KIAA0825: variants seen among roughly 807,000 people sequenced by gnomAD.
KIAA0825 encodes KIAA0825, also known as uncharacterized protein KIAA0825.
A neutral mutation model predicts 147.6 loss-of-function variants in KIAA0825; 119 were observed. That is an observed-to-expected ratio of 0.81 (90% CI 0.69 to 0.94). KIAA0825 has a LOEUF of 0.94. Ranked by LOEUF, KIAA0825 falls within the 40% of genes least tolerant of loss-of-function variation. The pLI, the probability that KIAA0825 is intolerant of heterozygous loss-of-function variation, is 0.00. For missense variants in KIAA0825, 1,381 were observed against 1,472.7 expected, an observed-to-expected ratio of 0.94 and a Z score of 1.02; for synonymous variants, 470 against 518.1, an observed-to-expected ratio of 0.91 and a Z score of 1.26.
At chr5:94,324,952 C>A (rs1417852794) in intron 20 of KIAA0825, among the ~76,000 whole-genome samples, 2 of 151,762 alleles carry the variant, frequency 1.3e-5, no homozygotes, top group Non-Finnish European at 2.9e-5. Flanking sequence ...AATTCTGAAC[C>A]CTAACTACAG....
chr5:94,240,754 T>C (rs993047828), intron 20 of KIAA0825, among the ~76,000 whole-genome samples: 2 of 152,218 alleles, frequency 1.3e-5, no homozygotes, highest in Non-Finnish European at 2.9e-5. Context: ...CTGGCTTAAG[T>C]GAGCAAATGA....
intron 15 of KIAA0825, chr5:94,414,497 T>C (rs921160952): frequency 2.0e-5 from 3 of 152,222 alleles, no homozygotes; most frequent in African/African-American, 4.8e-5. Flanking sequence ...GTTGTACTTA[T>C]AGCTTTTGTA....
chr5:94,598,346 C>A (rs928216327), intron 1 of KIAA0825, among the ~76,000 whole-genome samples: 6 of 152,086 alleles, frequency 3.9e-5, no homozygotes, highest in Non-Finnish European at 8.8e-5. Context: ...ATATCACAGA[C>A]TTCCACCTCC....
intron 2 of KIAA0825, among the ~76,000 whole-genome samples, chr5:94,553,650 C>T (rs1775980199): frequency 6.6e-6 from 1 of 151,366 alleles, no homozygotes; most frequent in African/African-American, 2.4e-5. Context: ...CCTGTAATCC[C>T]AGCTACTCAG....
chr5:94,239,719 T>C (rs1395640333), intron 20 of KIAA0825, among the ~76,000 whole-genome samples: 2 of 152,190 alleles, frequency 1.3e-5, no homozygotes, highest in East Asian at 1.9e-4. Flanking sequence ...TTCCTGCAAC[T>C]GCTGAATCAA....
At position 94,299,814 on chromosome 5, in the gene KIAA0825, G is replaced by A. The variant is rs17083532; in HGVS notation, c.3710+84554C>T. On this transcript the variant is annotated intron_variant, in intron 20 of 20. Coordinates refer to ENST00000682413, the MANE Select transcript of KIAA0825 (RefSeq NM_001145678.3). ...TCGGCATTCATGAGTTCCTTAGCTA[G>A]AGCCAATAACTATTTCAGTTTGTCT... is the stretch of plus-strand genomic sequence containing the variant. Among the ~76,000 whole-genome samples, 426 of 152,226 alleles carry A rather than the reference G, an allele frequency of 2.8e-3. 3 individuals are homozygous for A. The highest frequency in any genetic ancestry group is 0.023 in the South Asian group (109 of 4,822).
intron 2 of KIAA0825, chr5:94,570,576 C>T (rs1263881994): frequency 6.6e-6 from 1 of 152,258 alleles, no homozygotes; most frequent in African/African-American, 2.4e-5. Flanking sequence ...GTGAACTACC[C>T]CTTCACTACC....
intron 1 of KIAA0825, among the ~76,000 whole-genome samples, chr5:94,592,464 T>C (rs1268235082): frequency 6.6e-6 from 1 of 152,120 alleles, no homozygotes; most frequent in Non-Finnish European, 1.5e-5. Context: ...GGAAAGGTGA[T>C]GTCTCTCGAG....
At chr5:94,526,554 G>C (rs1769317877) in intron 3 of KIAA0825, among the ~76,000 whole-genome samples, 1 of 151,874 alleles carries the variant, frequency 6.6e-6, no homozygotes, top group African/African-American at 2.4e-5. Context: ...TATGCAAGTG[G>C]ATGCATTACT....
chr5:94,271,124 A>G (rs1776962314), intron 20 of KIAA0825, among the ~76,000 whole-genome samples: 1 of 152,210 alleles, frequency 6.6e-6, no homozygotes, highest in Non-Finnish European at 1.5e-5. Flanking sequence ...ACAACAAATC[A>G]CATCAAAATG....
intron 20 of KIAA0825, among the ~76,000 whole-genome samples, chr5:94,381,131 A>G (rs1319535221): frequency 6.6e-6 from 1 of 152,010 alleles, no homozygotes; most frequent in Non-Finnish European, 1.5e-5. Flanking sequence ...CTGGTTTCTG[A>G]TCTGATACTT....
At chr5:94,371,097 T>G (rs1245626736) in intron 20 of KIAA0825, among the ~76,000 whole-genome samples, 1 of 152,152 alleles carries the variant, frequency 6.6e-6, no homozygotes, top group East Asian at 1.9e-4. Context: ...CTGTACCATT[T>G]GAAATAATAT....
At chr5:94,315,715 CA>C (rs1420663636) in intron 20 of KIAA0825, among the ~76,000 whole-genome samples, 1 of 151,592 alleles carries the variant, frequency 6.6e-6, no homozygotes, top group Non-Finnish European at 1.5e-5. Flanking sequence ...TTATTTCCCC[CA>C]GTCATACCAT....
At chr5:94,377,183 C>G (rs1475470260) in intron 20 of KIAA0825, among the ~76,000 whole-genome samples, 1 of 152,222 alleles carries the variant, frequency 6.6e-6, no homozygotes, top group African/African-American at 2.4e-5. Context: ...TCCACCTGGA[C>G]AGGCCCCAAA....
chr5:94,195,867 C>T (rs1430291367), intron 20 of KIAA0825, among the ~76,000 whole-genome samples: 2 of 151,978 alleles, frequency 1.3e-5, no homozygotes, highest in Non-Finnish European at 2.9e-5. Context: ...AGGTAGTAAC[C>T]TTACTCATGG....
intron 5 of KIAA0825, among the ~76,000 whole-genome samples, chr5:94,491,998 G>C (rs1334739381): frequency 6.6e-6 from 1 of 152,176 alleles, no homozygotes; most frequent in African/African-American, 2.4e-5. Flanking sequence ...TGAGAGAATG[G>C]AGAAGGAACT....
chr5:94,369,992 TA>T (rs1746437385), intron 20 of KIAA0825, among the ~76,000 whole-genome samples: 1 of 152,170 alleles, frequency 6.6e-6, no homozygotes, highest in Non-Finnish European at 1.5e-5. Flanking sequence ...CACTCCTAGG[TA>T]CTATCCAAGT....
intron 5 of KIAA0825, among the ~76,000 whole-genome samples, chr5:94,496,670 A>G (rs933722291): frequency 6.6e-6 from 1 of 152,176 alleles, no homozygotes; most frequent in African/African-American, 2.4e-5. Flanking sequence ...CTGCAAAGTC[A>G]TATTTGGAGT....
At chr5:94,530,098 C>T (rs998028713) in intron 3 of KIAA0825, among the ~76,000 whole-genome samples, 2 of 151,798 alleles carry the variant, frequency 1.3e-5, no homozygotes, top group South Asian at 2.1e-4. Flanking sequence ...TGGTGAAACC[C>T]GTCTCTACTA....
Sources: gnomAD v4.1 joint callset for allele counts (sites outside exome capture counted in the v4.1 genomes callset) on GRCh38, gnomAD v4.1.1 for gene constraint, MANE v1.5 for transcripts, NCBI Gene and HGNC (gene_info 2026-07-23, HGNC 2026-07-21) for gene names.